The following CD226 variants were observed in gnomAD, a reference collection of about 807,000 sequenced individuals.
CD226 encodes CD226 molecule, also known as CD226 antigen.
A neutral mutation model predicts 34.9 loss-of-function variants in CD226; 24 were observed. The observed-to-expected ratio is 0.69, with a 90% CI of 0.50 to 0.97. The LOEUF (loss-of-function observed/expected upper bound fraction) is 0.97, where lower values mean the gene tolerates loss of function less well. Among genes scored for constraint, CD226 ranks in the 50% least tolerant of loss-of-function variants. CD226 has a pLI of 0.00. For synonymous variants in CD226, 148 were observed against 147.4 expected (o/e 1.00, Z -0.03); for missense variants, 397 against 412.7 (o/e 0.96, Z 0.33).
At chr18:69,890,170 T>C (rs1984805615) in intron 3 of CD226, among the ~76,000 whole-genome samples, 2 of 152,168 alleles carry the variant, frequency 1.3e-5, no homozygotes, top group African/African-American at 4.8e-5. Context: ...CCTACTAGAA[T>C]GAATAGAAAC....
intron 2 of CD226, among the ~76,000 whole-genome samples, chr18:69,917,498 C>T (rs1037619457): frequency 6.6e-6 from 1 of 152,212 alleles, no homozygotes; most frequent in African/African-American, 2.4e-5. Flanking sequence ...AACACATGCA[C>T]TTTATGCTCA....
At chr18:69,886,621 G>C (rs536453368) in intron 3 of CD226, among the ~76,000 whole-genome samples, 1 of 152,034 alleles carries the variant, frequency 6.6e-6, no homozygotes, top group Non-Finnish European at 1.5e-5. Context: ...CAGAAGAATC[G>C]CTTGAACCCA....
intron 3 of CD226, among the ~76,000 whole-genome samples, chr18:69,887,005 T>C (rs1327122309): frequency 2.0e-5 from 3 of 152,204 alleles, no homozygotes; most frequent in African/African-American, 4.8e-5. Context: ...CTTTATGCTC[T>C]AGAGTTTAAT....
At chr18:69,942,079 C>G (rs746158674) in intron 2 of CD226, among the ~76,000 whole-genome samples, 17 of 152,182 alleles carry the variant, frequency 1.1e-4, no homozygotes, top group Admixed American at 2.0e-4. Context: ...GTTTGCTCCC[C>G]TTTTCACCAT....
At chr18:69,879,499 GT>G (rs1177207801) in intron 3 of CD226, among the ~76,000 whole-genome samples, 1 of 152,128 alleles carries the variant, frequency 6.6e-6, no homozygotes, top group Non-Finnish European at 1.5e-5. Context: ...ATATGGCTCT[GT>G]CCTGACTGGC....
chr18:69,948,636 G>A (rs139212369), upstream of CD226, among the ~76,000 whole-genome samples: 1 of 152,250 alleles, frequency 6.6e-6, no homozygotes, highest in African/African-American at 2.4e-5. Context: ...GTGTCACCTT[G>A]TGTTTATATG....
At chr18:69,950,951 T>C (rs2055847703), upstream of CD226, among the ~76,000 whole-genome samples, 1 of 149,854 alleles carries the variant, frequency 6.7e-6, no homozygotes, top group Non-Finnish European at 1.5e-5. Flanking sequence ...ATAGAAGCTA[T>C]TGTACTGAAA....
At position 69,856,958 on chromosome 18, in the gene CD226, G is replaced by A. The variant is rs1206510229; in HGVS notation, c.*7356C>T. 2.0e-5 allele frequency: 3 copies of A among 152,258 alleles called. No individual in the cohort carries two copies. The highest frequency in any genetic ancestry group is 7.2e-5 in the African/African-American group (3 of 41,444). The allele number at this position is 152,258 out of a possible 1,614,324, so 9.4% of individuals were successfully genotyped here. A position where few individuals can be genotyped will look rare whatever the true frequency, so the allele number is the denominator to read the frequency against. On this transcript the variant is annotated 3_prime_UTR_variant, in exon 6 of 6. Transcript: ENST00000582621. ...CCGAGGCGGGCGGATCACGAGGTCA[G>A]GAGATCGAGACCACCCTGGCTAACA...
chr18:69,907,510 A>G (rs2055270400), intron 2 of CD226, among the ~76,000 whole-genome samples: 1 of 152,092 alleles, frequency 6.6e-6, no homozygotes, highest in Non-Finnish European at 1.5e-5. Context: ...GGGTTTTGCC[A>G]TGTTGGCCAG....
At chr18:69,951,242 T>C (rs2055851809), upstream of CD226, among the ~76,000 whole-genome samples, 1 of 151,940 alleles carries the variant, frequency 6.6e-6, no homozygotes, top group Non-Finnish European at 1.5e-5. Context: ...CCTCCTAAAG[T>C]GTTGGGAGTA....
chr18:69,877,668 G>A (rs184831593), intron 3 of CD226, among the ~76,000 whole-genome samples: 166 of 152,278 alleles, frequency 1.1e-3, no homozygotes, highest in African/African-American at 3.9e-3. Context: ...CCTGAGGCCT[G>A]AAGTGCCCCA....
rs2055809588 is a variant in CD226 at position 69,947,594 on chromosome 18, A to ATGGGCAGATTTGAGTTTCTTC, written c.-209_-189dup. 1 of 423,236 alleles carries ATGGGCAGATTTGAGTTTCTTC rather than the reference A, an allele frequency of 2.4e-6. No individual in the cohort carries two copies. The highest frequency in any genetic ancestry group is 4.4e-5 in the Admixed American group (1 of 22,908). The allele number at this position is 423,236 out of a possible 1,614,324, so 26.2% of individuals were successfully genotyped here. A position where few individuals can be genotyped will look rare whatever the true frequency, so the allele number is the denominator to read the frequency against. On this transcript the variant is annotated 5_prime_UTR_variant, in exon 1 of 6. Transcript: ENST00000582621. Reference sequence around the variant, plus strand: ...AAGACAGGTTTGCTCCTTTATGAGGATGGGCAGATTTGAGTTTCTTCTCTC... The same window carrying ATGGGCAGATTTGAGTTTCTTC: ...AAGACAGGTTTGCTCCTTTATGAGGATGGGCAGATTTGAGTTTCTTCTGGGCAGATTTGAGTTTCTTCTCTC...
In CD226 at chr18:69,861,590, A is replaced by G. The variant is rs1982834913; in HGVS notation, c.*2724T>C. ...TATATATATGTAAAACTTAAGAAGCATTTTGCTTCCAAAGCAGCAACTTGT... is the reference window on the plus strand; with the variant it reads ...TATATATATGTAAAACTTAAGAAGCGTTTTGCTTCCAAAGCAGCAACTTGT... On this transcript the variant is annotated 3_prime_UTR_variant, in exon 6 of 6. Transcript: ENST00000582621. 7.1e-6 allele frequency: 1 copy of G among 140,828 alleles called. No individual in the cohort carries two copies. Among genetic ancestry groups the G allele is most frequent in the Non-Finnish European group, 1.6e-5 (1 of 63,634 alleles). The allele number at this position is 140,828 out of a possible 1,614,324, so 8.7% of individuals were successfully genotyped here.
rs2055548820 is a variant in CD226, at chr18:69,928,336, A to C, written c.382+18398T>G. Among the ~76,000 whole-genome samples, 3 of 152,304 alleles carry C rather than the reference A, an allele frequency of 2.0e-5. No homozygotes were observed. In the South Asian group the frequency reaches 6.2e-4, roughly 32 times the overall value. On this transcript the variant is annotated intron_variant, in intron 2 of 5. Coordinates refer to ENST00000582621, the MANE Select transcript of CD226 (RefSeq NM_001303618.2). ...TTTATTGAGCATGTCTCCTAAGGGCAAAGCTCTGTTCCCAACATTATTGGG... is the reference window on the plus strand; with the variant it reads ...TTTATTGAGCATGTCTCCTAAGGGCCAAGCTCTGTTCCCAACATTATTGGG...
At chr18:69,950,151 T>A (rs1031892584), upstream of CD226, among the ~76,000 whole-genome samples, 1 of 94,640 alleles carries the variant, frequency 1.1e-5, no homozygotes, top group Non-Finnish European at 2.7e-5. Flanking sequence ...ATCACATGCA[T>A]CTGCACGTAC....
intron 2 of CD226, among the ~76,000 whole-genome samples, chr18:69,934,480 GCT>G (rs1336672114): frequency 3.3e-5 from 5 of 152,286 alleles, no homozygotes; most frequent in South Asian, 2.1e-4. Flanking sequence ...GCAGCTAAAT[GCT>G]CCCAGAATTA....
upstream of CD226, among the ~76,000 whole-genome samples, chr18:69,959,999 CACT>C (rs2055922121): frequency 6.6e-6 from 1 of 152,158 alleles, no homozygotes; most frequent in African/African-American, 2.4e-5. Context: ...GTAATCCCAG[CACT>C]TTGGGAGGCC....
At chr18:69,927,852 GCTT>G (rs1216739991) in intron 2 of CD226, among the ~76,000 whole-genome samples, 1 of 152,134 alleles carries the variant, frequency 6.6e-6, no homozygotes, top group African/African-American at 2.4e-5. Flanking sequence ...CACTTAGGTT[GCTT>G]CTTCTTTTTA....
chr18:69,941,151 C>A (rs1472683611), intron 2 of CD226, among the ~76,000 whole-genome samples: 1 of 152,242 alleles, frequency 6.6e-6, no homozygotes, highest in Non-Finnish European at 1.5e-5. Flanking sequence ...TACAGAAACA[C>A]CTGGGTGTCC....
Sources: allele counts gnomAD v4.1 joint callset (sites outside exome capture counted in the v4.1 genomes callset), GRCh38; gene constraint gnomAD v4.1.1; transcripts MANE v1.5; gene names NCBI Gene and HGNC (gene_info 2026-07-23, HGNC 2026-07-21).